Variants in PDE11A observed in about 807,000 individuals in gnomAD.
The protein encoded by PDE11A is phosphodiesterase 11A.
In PDE11A, 100 loss-of-function variants were observed where a neutral mutation model predicts 100.5. That is an observed-to-expected ratio of 1.00 (90% confidence interval 0.85 to 1.18). The LOEUF is 1.18. Among genes scored for constraint, PDE11A ranks in the 50% most tolerant of loss-of-function variants. The pLI is 0.00. For missense variants in PDE11A, 1,141 were observed against 1,152.6 expected, an observed-to-expected ratio of 0.99 and a Z score of 0.15; for synonymous variants, 381 against 420.8, an observed-to-expected ratio of 0.91 and a Z score of 1.16.
upstream of PDE11A, among the ~76,000 whole-genome samples, chr2:178,077,725 C>T (rs2087225723): frequency 6.6e-6 from 1 of 152,040 alleles, no homozygotes; most frequent in African/African-American, 2.4e-5. Flanking sequence ...ATAAGATTAT[C>T]CTGGATTTAG....
intron 2 of PDE11A, among the ~76,000 whole-genome samples, chr2:178,010,742 C>A (rs550704470): frequency 6.6e-6 from 1 of 152,244 alleles, no homozygotes; most frequent in Non-Finnish European, 1.5e-5. Flanking sequence ...CCCAAAATGA[C>A]AAATGTAGAA....
intron 15 of PDE11A, among the ~76,000 whole-genome samples, chr2:177,685,659 C>G (rs1471580496): frequency 6.6e-6 from 1 of 151,978 alleles, no homozygotes; most frequent in Non-Finnish European, 1.5e-5. Context: ...CCTGGGTTCT[C>G]CTGGGTTCAA....
chr2:177,809,791 C>A (rs2082921895), intron 9 of PDE11A, among the ~76,000 whole-genome samples: 1 of 152,078 alleles, frequency 6.6e-6, no homozygotes, highest in African/African-American at 2.4e-5. Context: ...TGGTACTAGA[C>A]AGTTTATACA....
intron 2 of PDE11A, among the ~76,000 whole-genome samples, chr2:177,926,046 A>G (rs958784069): frequency 6.6e-6 from 1 of 151,834 alleles, no homozygotes; most frequent in Non-Finnish European, 1.5e-5. Flanking sequence ...CTCTCTAAAT[A>G]TATATCAACT....
At chr2:177,960,865 A>G (rs999836224) in intron 2 of PDE11A, among the ~76,000 whole-genome samples, 12 of 152,136 alleles carry the variant, frequency 7.9e-5, no homozygotes, top group Non-Finnish European at 1.6e-4. Context: ...GGATCCATAC[A>G]TATCCTAATG....
At chr2:177,955,926 C>T (rs2105785845) in intron 2 of PDE11A, among the ~76,000 whole-genome samples, 1 of 152,268 alleles carries the variant, frequency 6.6e-6, no homozygotes, top group African/African-American at 2.4e-5. Flanking sequence ...GGATTAAAGA[C>T]TTAAATGTTA....
chr2:177,870,677 C>T (rs925671978), intron 5 of PDE11A, among the ~76,000 whole-genome samples: 26 of 152,200 alleles, frequency 1.7e-4, no homozygotes, highest in African/African-American at 6.3e-4. Flanking sequence ...CAGGGCCAGG[C>T]TAACTGGGTT....
At chr2:177,808,067 T>C (rs919253028) in intron 9 of PDE11A, among the ~76,000 whole-genome samples, 43 of 152,328 alleles carry the variant, frequency 2.8e-4, no homozygotes, top group African/African-American at 8.9e-4. Context: ...TTTCAAGATA[T>C]ATTTGAGAAA....
chr2:177,737,196 C>T (rs189584320), intron 10 of PDE11A, among the ~76,000 whole-genome samples: 18 of 151,962 alleles, frequency 1.2e-4, no homozygotes, highest in African/African-American at 3.9e-4. Flanking sequence ...GCCAAGATCA[C>T]GCCATTGCAC....
intron 13 of PDE11A, among the ~76,000 whole-genome samples, chr2:177,707,925 T>A (rs1458451682): frequency 1.3e-5 from 2 of 152,188 alleles, no homozygotes; most frequent in African/African-American, 4.8e-5. Flanking sequence ...ACAGACACAA[T>A]TCTAACACAG....
At chr2:178,049,980 C>A (rs2086801384) in intron 1 of PDE11A, among the ~76,000 whole-genome samples, 1 of 152,222 alleles carries the variant, frequency 6.6e-6, no homozygotes, top group Non-Finnish European at 1.5e-5. Flanking sequence ...ACATCCCTGT[C>A]TGACAGCTTT....
intron 19 of PDE11A, among the ~76,000 whole-genome samples, chr2:177,635,553 C>T (rs925368659): frequency 9.9e-5 from 15 of 152,164 alleles, no homozygotes; most frequent in Non-Finnish European, 4.4e-5. Context: ...ACAGTTTATT[C>T]CGTATTTTAT....
At chr2:177,635,941 T>G (rs2080032349) in intron 19 of PDE11A, among the ~76,000 whole-genome samples, 1 of 151,832 alleles carries the variant, frequency 6.6e-6, no homozygotes, top group Non-Finnish European at 1.5e-5. Context: ...CCAAACATTG[T>G]TTATATTTGG....
chr2:178,093,077 T>A (rs1258978575), intron 2 of PDE11A: 1 of 152,226 alleles, frequency 6.6e-6, no homozygotes, highest in Admixed American at 6.5e-5. Context: ...GTAGGGAGGC[T>A]ATTTTAACTG....
chr2:178,093,423 C>T (rs1369627560), intron 2 of PDE11A, among the ~76,000 whole-genome samples: 4 of 149,434 alleles, frequency 2.7e-5, no homozygotes, highest in Non-Finnish European at 4.4e-5. Flanking sequence ...TTTTTTCTAC[C>T]TATCATACCA....
chr2:177,940,110 T>C (rs1012192530), intron 2 of PDE11A, among the ~76,000 whole-genome samples: 1 of 152,062 alleles, frequency 6.6e-6, no homozygotes, highest in Non-Finnish European at 1.5e-5. Flanking sequence ...GAGGAATGGG[T>C]AGGAGTGGAG....
chr2:177,796,679 G>T (rs1052023607), intron 9 of PDE11A, among the ~76,000 whole-genome samples: 1 of 152,160 alleles, frequency 6.6e-6, no homozygotes, highest in African/African-American at 2.4e-5. Context: ...GCACTATCAA[G>T]ATACTGAGCA....
chr2:177,941,783 C>G (rs1008985894), intron 2 of PDE11A, among the ~76,000 whole-genome samples: 3 of 152,218 alleles, frequency 2.0e-5, no homozygotes, highest in Non-Finnish European at 1.5e-5. Flanking sequence ...TCAGAAGATG[C>G]AGGGACAGAA....
At chr2:178,046,976 A>G (rs1278924597) in intron 1 of PDE11A, among the ~76,000 whole-genome samples, 3 of 152,014 alleles carry the variant, frequency 2.0e-5, no homozygotes, top group Middle Eastern at 3.4e-3. Context: ...TCTAGGGCCT[A>G]TCTCATTCCT....
Sources: gnomAD v4.1 joint callset for allele counts (sites outside exome capture counted in the v4.1 genomes callset) on GRCh38, gnomAD v4.1.1 for gene constraint, MANE v1.5 for transcripts, NCBI Gene and HGNC (gene_info 2026-07-23, HGNC 2026-07-21) for gene names.